Variants in CADM2 observed in about 807,000 individuals in gnomAD.
CADM2 encodes the protein immunoglobulin superfamily member 4D.
A neutral mutation model predicts 49.8 loss-of-function variants in CADM2; 12 were observed. That is an observed-to-expected ratio of 0.24 (90% CI 0.15 to 0.39). The LOEUF is 0.39. CADM2 is among the 10% of genes least tolerant of loss of function. The pLI is 1.00. For synonymous variants in CADM2, 214 were observed against 175.4 expected (o/e 1.22, Z -1.74); for missense variants, 378 against 492.3 (o/e 0.77, Z 2.20).
chr3:84,993,534 AAC>A (rs2033010190), intron 1 of CADM2, among the ~76,000 whole-genome samples: 1 of 152,188 alleles, frequency 6.6e-6, no homozygotes, highest in Non-Finnish European at 1.5e-5. Flanking sequence ...AATCTTGAGC[AAC>A]ACTCTGGTGG....
chr3:85,180,937 G>A (rs1411376764), intron 1 of CADM2, among the ~76,000 whole-genome samples: 1 of 152,086 alleles, frequency 6.6e-6, no homozygotes. Context: ...TAAGTGATTA[G>A]TCCCTAAAGG....
intron 1 of CADM2, among the ~76,000 whole-genome samples, chr3:85,037,216 T>C (rs1039633824): frequency 1.3e-5 from 2 of 152,216 alleles, no homozygotes; most frequent in South Asian, 2.1e-4. Flanking sequence ...TTTACTGTCA[T>C]TGTAGTGTTG....
intron 1 of CADM2, among the ~76,000 whole-genome samples, chr3:85,126,639 A>C (rs2039044019): frequency 6.6e-6 from 1 of 152,144 alleles, no homozygotes. Context: ...GTTAAAATTA[A>C]TAAAATCACT....
chr3:84,999,926 G>A (rs1015687925), intron 1 of CADM2, among the ~76,000 whole-genome samples: 28 of 152,224 alleles, frequency 1.8e-4, no homozygotes, highest in Admixed American at 3.9e-4. Context: ...AGAGTTGGAT[G>A]AGATCTTAGG....
chr3:85,064,194 A>C (rs1032614583), intron 1 of CADM2, among the ~76,000 whole-genome samples: 8 of 152,084 alleles, frequency 5.3e-5, no homozygotes, highest in Non-Finnish European at 1.0e-4. Flanking sequence ...CCAGTGTGAG[A>C]TGGAGAGGAC....
At chr3:85,673,326 A>G (rs986367057) in intron 1 of CADM2, among the ~76,000 whole-genome samples, 1 of 152,096 alleles carries the variant, frequency 6.6e-6, no homozygotes, top group Admixed American at 6.5e-5. Context: ...GTTCAGTTCT[A>G]AGACACTGAC....
chr3:85,110,725 G>T (rs777856682), intron 1 of CADM2, among the ~76,000 whole-genome samples: 7 of 151,800 alleles, frequency 4.6e-5, no homozygotes, highest in Non-Finnish European at 1.0e-4. Flanking sequence ...TTTTTTCTGA[G>T]ATATGAGTGT....
intron 8 of CADM2, chr3:86,013,035 A>T (rs1731746281): frequency 9.3e-7 from 1 of 1,078,068 alleles, no homozygotes; most frequent in African/African-American, 1.5e-5. Context: ...CAAACATGAG[A>T]CCTCTATGAT....
At chr3:85,101,355 C>G (rs1285333317) in intron 1 of CADM2, among the ~76,000 whole-genome samples, 1 of 152,078 alleles carries the variant, frequency 6.6e-6, no homozygotes, top group Non-Finnish European at 1.5e-5. Flanking sequence ...TTCTATGTTG[C>G]TAGTGTCTAG....
intron 1 of CADM2, among the ~76,000 whole-genome samples, chr3:85,593,597 G>A (rs575199700): frequency 3.3e-5 from 5 of 152,040 alleles, no homozygotes; most frequent in African/African-American, 7.2e-5. Flanking sequence ...TTATCGGCAC[G>A]CAGAATAAAA....
intron 6 of CADM2, among the ~76,000 whole-genome samples, chr3:85,919,394 G>A (rs1718803457): frequency 6.6e-6 from 1 of 151,924 alleles, no homozygotes. Context: ...ATGGCTGAAG[G>A]AAAGGAGGAA....
At chr3:85,530,867 TACACACACACACACACACAC>T (rs71617940) in intron 1 of CADM2, among the ~76,000 whole-genome samples, 14 of 136,936 alleles carry the variant, frequency 1.0e-4, no homozygotes, top group Middle Eastern at 3.9e-3. Context: ...TATGTAAAAA[TACACACACACACACACACAC>T]ACACACACAC....
At chr3:85,276,799 G>A (rs1294159256) in intron 1 of CADM2, among the ~76,000 whole-genome samples, 2 of 151,208 alleles carry the variant, frequency 1.3e-5, no homozygotes, top group African/African-American at 4.8e-5. Flanking sequence ...AAAAGCTGTT[G>A]TTATGCCCAG....
At chr3:85,767,288 C>T (rs559090887) in intron 2 of CADM2, among the ~76,000 whole-genome samples, 1 of 152,184 alleles carries the variant, frequency 6.6e-6, no homozygotes, top group Non-Finnish European at 1.5e-5. Flanking sequence ...CAGAAGGATA[C>T]TGCTCCCAAT....
chr3:86,056,214 A>T (rs1737974614), intron 8 of CADM2, among the ~76,000 whole-genome samples: 1 of 152,200 alleles, frequency 6.6e-6, no homozygotes, highest in Admixed American at 6.5e-5. Context: ...CCTTAGTTCT[A>T]ATAGCTGCAC....
intron 1 of CADM2, among the ~76,000 whole-genome samples, chr3:85,070,772 C>T: frequency 6.6e-6 from 1 of 151,936 alleles, no homozygotes; most frequent in East Asian, 1.9e-4. Context: ...GCAGGTAGAT[C>T]ACGAGGTCAA....
intron 3 of CADM2, among the ~76,000 whole-genome samples, chr3:85,874,577 G>A: frequency 6.6e-6 from 1 of 151,538 alleles, no homozygotes; most frequent in East Asian, 1.9e-4. Context: ...CCAATATATT[G>A]TAGGTTGTTA....
intron 1 of CADM2, among the ~76,000 whole-genome samples, chr3:85,205,435 T>A (rs1019851629): frequency 3.3e-5 from 5 of 152,192 alleles, no homozygotes; most frequent in Non-Finnish European, 4.4e-5. Context: ...ACAAATGTTA[T>A]AAGTTTATGT....
intron 1 of CADM2, among the ~76,000 whole-genome samples, chr3:85,225,812 G>A (rs777850022): frequency 3.3e-5 from 5 of 152,118 alleles, no homozygotes; most frequent in Non-Finnish European, 7.3e-5. Flanking sequence ...TAGCATGAAG[G>A]GCTGATAAAT....
Sources: gnomAD v4.1 joint callset for allele counts (sites outside exome capture counted in the v4.1 genomes callset) on GRCh38, gnomAD v4.1.1 for gene constraint, MANE v1.5 for transcripts, NCBI Gene and HGNC (gene_info 2026-07-23, HGNC 2026-07-21) for gene names.